Variants in INPP4B observed in about 807,000 individuals in gnomAD.
INPP4B encodes the protein inositol polyphosphate 4-phosphatase type II.
A neutral mutation model predicts 122.5 loss-of-function variants in INPP4B; 55 were observed. The observed-to-expected ratio is 0.45, with a 90% CI of 0.36 to 0.56. INPP4B has a LOEUF of 0.56. INPP4B is among the 20% of genes least tolerant of loss of function. INPP4B has a pLI of 0.00. For missense variants in INPP4B, 1,000 were observed against 1,097.7 expected, an observed-to-expected ratio of 0.91 and a Z score of 1.26; for synonymous variants, 403 against 388.7, an observed-to-expected ratio of 1.04 and a Z score of -0.43.
At chr4:142,407,735 C>G (rs1803743498) in intron 5 of INPP4B, among the ~76,000 whole-genome samples, 1 of 152,104 alleles carries the variant, frequency 6.6e-6, no homozygotes, top group Admixed American at 6.6e-5. Flanking sequence ...AACCCGAGAT[C>G]AGGCAGAATT....
chr4:142,657,089 A>G (rs1443898200), intron 2 of INPP4B, among the ~76,000 whole-genome samples: 2 of 152,204 alleles, frequency 1.3e-5, no homozygotes, highest in Non-Finnish European at 2.9e-5. Flanking sequence ...TGTCTCTTAA[A>G]GGGCTGCACC....
chr4:142,246,824 C>T (rs964866450), intron 11 of INPP4B, among the ~76,000 whole-genome samples: 2 of 152,120 alleles, frequency 1.3e-5, no homozygotes, highest in African/African-American at 2.4e-5. Flanking sequence ...CCAGAAATTC[C>T]ATTACTATGT....
intron 14 of INPP4B, among the ~76,000 whole-genome samples, chr4:142,198,463 TAAA>T (rs146958293): frequency 0.029 from 4,452 of 151,782 alleles, 201 homozygotes; most frequent in African/African-American, 0.1. Context: ...TTCCTTTTTT[TAAA>T]AAAAAGAATA....
chr4:142,440,217 CA>C (rs1222184334), intron 3 of INPP4B, among the ~76,000 whole-genome samples: 3 of 152,150 alleles, frequency 2.0e-5, no homozygotes, highest in Non-Finnish European at 4.4e-5. Context: ...TAAAAGAATT[CA>C]GTCTTAGTAG....
At chr4:142,206,494 T>G (rs990630035) in intron 14 of INPP4B, among the ~76,000 whole-genome samples, 2 of 151,630 alleles carry the variant, frequency 1.3e-5, no homozygotes, top group Non-Finnish European at 2.9e-5. Context: ...AACTTGCAAA[T>G]CAGCTGGTGG....
At chr4:142,328,724 T>G (rs913681352) in intron 7 of INPP4B, among the ~76,000 whole-genome samples, 5 of 136,222 alleles carry the variant, frequency 3.7e-5, no homozygotes, top group Non-Finnish European at 8.1e-5. Context: ...AATGAATTCA[T>G]AAATATTTTT....
At chr4:142,322,645 T>A (rs909460150) in intron 7 of INPP4B, among the ~76,000 whole-genome samples, 1 of 152,216 alleles carries the variant, frequency 6.6e-6, no homozygotes, top group Non-Finnish European at 1.5e-5. Flanking sequence ...ATTATTACCA[T>A]ATGCTGATTT....
At chr4:142,829,348 G>A (rs1048143699) in intron 1 of INPP4B, among the ~76,000 whole-genome samples, 3 of 152,164 alleles carry the variant, frequency 2.0e-5, no homozygotes, top group African/African-American at 7.2e-5. Context: ...GTAGATCAGA[G>A]GGAGGAGGGA....
chr4:142,130,786 G>T (rs1158834357), intron 18 of INPP4B, among the ~76,000 whole-genome samples: 1 of 152,148 alleles, frequency 6.6e-6, no homozygotes, highest in Non-Finnish European at 1.5e-5. Flanking sequence ...TAACTGTACT[G>T]CTCAACCCAA....
intron 2 of INPP4B, among the ~76,000 whole-genome samples, chr4:142,582,506 T>C (rs1735322726): frequency 6.6e-6 from 1 of 152,068 alleles, no homozygotes; most frequent in Non-Finnish European, 1.5e-5. Flanking sequence ...AAGATGCAAA[T>C]TGAAATTTAT....
intron 2 of INPP4B, among the ~76,000 whole-genome samples, chr4:142,692,449 C>A (rs181231927): frequency 1.4e-4 from 21 of 152,278 alleles, no homozygotes; most frequent in African/African-American, 4.8e-4. Flanking sequence ...GCCTGTAACC[C>A]TAGCACTTTA....
At chr4:142,766,380 T>C (rs1772128462) in intron 1 of INPP4B, among the ~76,000 whole-genome samples, 2 of 152,054 alleles carry the variant, frequency 1.3e-5, no homozygotes, top group Non-Finnish European at 2.9e-5. Context: ...AAGGTGTTTT[T>C]TTGTTTTTTT....
At chr4:142,502,881 T>A (rs1321902618) in intron 2 of INPP4B, among the ~76,000 whole-genome samples, 1 of 152,112 alleles carries the variant, frequency 6.6e-6, no homozygotes, top group Non-Finnish European at 1.5e-5. Context: ...AATAAATACC[T>A]CCCTTTCTCC....
At chr4:142,167,882 T>C (rs1823592284) in intron 16 of INPP4B, among the ~76,000 whole-genome samples, 1 of 151,786 alleles carries the variant, frequency 6.6e-6, no homozygotes, top group African/African-American at 2.4e-5. Flanking sequence ...TTATGATTTG[T>C]TGTAGTACAA....
At chr4:142,487,248 C>T (rs771495891) in intron 2 of INPP4B, among the ~76,000 whole-genome samples, 1 of 152,078 alleles carries the variant, frequency 6.6e-6, no homozygotes, top group Non-Finnish European at 1.5e-5. Flanking sequence ...AACTGTAAGT[C>T]CAATAAACCT....
intron 1 of INPP4B, among the ~76,000 whole-genome samples, chr4:142,752,351 G>A (rs1002524696): frequency 6.6e-6 from 1 of 152,068 alleles, no homozygotes; most frequent in South Asian, 2.1e-4. Context: ...CCTAAAGATC[G>A]GTTTGAATTG....
At chr4:142,366,687 G>A (rs1272152155) in intron 7 of INPP4B, among the ~76,000 whole-genome samples, 3 of 151,934 alleles carry the variant, frequency 2.0e-5, no homozygotes, top group African/African-American at 7.3e-5. Flanking sequence ...CATCTTACAG[G>A]GATACAATGT....
chr4:142,335,845 A>G (rs1241081647), intron 7 of INPP4B, among the ~76,000 whole-genome samples: 1 of 152,238 alleles, frequency 6.6e-6, no homozygotes, highest in Non-Finnish European at 1.5e-5. Context: ...GAGACAGACA[A>G]ATTCCTCGCC....
At chr4:142,553,260 C>G (rs1728399853) in intron 2 of INPP4B, among the ~76,000 whole-genome samples, 1 of 152,144 alleles carries the variant, frequency 6.6e-6, no homozygotes, top group Non-Finnish European at 1.5e-5. Flanking sequence ...TTCATTTTCA[C>G]CTCTACACAG....
Sources: gnomAD v4.1 joint callset for allele counts (sites outside exome capture counted in the v4.1 genomes callset) on GRCh38, gnomAD v4.1.1 for gene constraint, MANE v1.5 for transcripts, NCBI Gene and HGNC (gene_info 2026-07-23, HGNC 2026-07-21) for gene names.